The following ATP8A2 variants were observed in gnomAD, a reference collection of about 807,000 sequenced individuals.
ATP8A2 encodes the protein phospholipid-transporting ATPase IB.
In ATP8A2, 100 loss-of-function variants were observed where a neutral mutation model predicts 165.6. That is an observed-to-expected ratio of 0.60 (90% CI 0.51 to 0.71). The LOEUF is 0.71. Ranked by LOEUF, ATP8A2 falls within the 30% of genes least tolerant of loss-of-function variation. The pLI, the probability that ATP8A2 is intolerant of heterozygous loss-of-function variation, is 0.00. For missense variants in ATP8A2, 1,227 were observed against 1,479.5 expected, an observed-to-expected ratio of 0.83 and a Z score of 2.80; for synonymous variants, 543 against 548.8, an observed-to-expected ratio of 0.99 and a Z score of 0.15.
intron 22 of ATP8A2, among the ~76,000 whole-genome samples, 158 bp downstream of exon 22, chr13:25,580,105 G>A (rs1367708141): frequency 6.6e-6 from 1 of 152,140 alleles, no homozygotes; most frequent in Non-Finnish European, 1.5e-5. Context: ...GCTTTAAGAA[G>A]CACTTAATTT....
Position 26,002,890 on chromosome 13 carries a change from GTGTGTA to G in ATP8A2, c.3378-9637_3378-9632del, listed in dbSNP as rs1414793797. On this transcript the variant is annotated intron_variant, in intron 35 of 36. Coordinates refer to ENST00000381655, the MANE Select transcript of ATP8A2 (RefSeq NM_016529.6). ...TGTGTGTGTGTGTGTGTGTGTGTGT[GTGTGTA>G]TGTACCACAGTTTCTTCATCCACTC... Among the ~76,000 whole-genome samples the G allele has an allele frequency of 8.3e-4, 115 of 138,448 alleles. 2 individuals carry two copies. The highest frequency in any genetic ancestry group is 2.9e-3 in the African/African-American group (108 of 37,894). The allele number at this position is 138,448 out of a possible 152,430, so 90.8% of individuals were successfully genotyped here. A position where few individuals can be genotyped will look rare whatever the true frequency, so the allele number is the denominator to read the frequency against.
At chr13:25,979,001 G>A (rs1212706906) in intron 35 of ATP8A2, among the ~76,000 whole-genome samples, 1 of 151,546 alleles carries the variant, frequency 6.6e-6, no homozygotes, top group Non-Finnish European at 1.5e-5. Flanking sequence ...GGCTGCTTTT[G>A]CACACTACAG....
intron 24 of ATP8A2, among the ~76,000 whole-genome samples, chr13:25,670,666 T>G (rs2042245775): frequency 6.6e-6 from 1 of 152,230 alleles, no homozygotes; most frequent in Admixed American, 6.5e-5. Context: ...GCCTCTTCTT[T>G]GACTACCCTG....
At chr13:25,805,270 A>G (rs1950709924) in intron 27 of ATP8A2, among the ~76,000 whole-genome samples, 1 of 151,994 alleles carries the variant, frequency 6.6e-6, no homozygotes, top group Admixed American at 6.5e-5. Flanking sequence ...GCACTTTGGG[A>G]GGCTGGGGTG....
chr13:25,406,970 C>G (rs2033821205), intron 1 of ATP8A2, among the ~76,000 whole-genome samples: 1 of 152,220 alleles, frequency 6.6e-6, no homozygotes, highest in African/African-American at 2.4e-5. Flanking sequence ...GTTACCGCTG[C>G]TTCCAGATTC....
chr13:25,860,316 T>A, intron 31 of ATP8A2, 60 bp downstream of exon 31: 2 of 1,037,390 alleles, frequency 1.9e-6, no homozygotes, highest in African/African-American at 1.6e-5. Flanking sequence ...CTTGCACTTC[T>A]CTAAACCCTT....
intron 35 of ATP8A2, among the ~76,000 whole-genome samples, chr13:25,989,735 A>C (rs2139285249): frequency 6.6e-6 from 1 of 152,084 alleles, no homozygotes; most frequent in African/African-American, 2.4e-5. Flanking sequence ...TTTTATAAGG[A>C]TCCTTCCCAC....
intron 1 of ATP8A2, chr13:25,468,710 C>T (rs2137517851): frequency 4.6e-6 from 2 of 434,322 alleles, no homozygotes; most frequent in Admixed American, 6.4e-5. Context: ...GAGCTGGGGG[C>T]GGCTCTCCCG....
At chr13:25,922,465 C>G (rs577500965) in intron 33 of ATP8A2, among the ~76,000 whole-genome samples, 3 of 152,296 alleles carry the variant, frequency 2.0e-5, no homozygotes, top group African/African-American at 7.2e-5. Flanking sequence ...AGGAAGTTGA[C>G]AACTATCACA....
intron 33 of ATP8A2, chr13:25,867,774 T>C (rs1952552952): frequency 6.3e-6 from 1 of 158,158 alleles, no homozygotes; most frequent in Non-Finnish European, 1.4e-5. Context: ...ATGAAAGAGC[T>C]GGCTTTCCCA....
intron 26 of ATP8A2, among the ~76,000 whole-genome samples, chr13:25,771,148 G>C (rs1015297215): frequency 6.6e-6 from 1 of 152,248 alleles, no homozygotes; most frequent in Non-Finnish European, 1.5e-5. Context: ...GATAATTTCT[G>C]AAGTAGGTAA....
At chr13:25,506,966 A>G (rs1357743381) in intron 2 of ATP8A2, among the ~76,000 whole-genome samples, 1 of 90,532 alleles carries the variant, frequency 1.1e-5, no homozygotes, top group Admixed American at 1.1e-4. Context: ...TATATATCTT[A>G]TTTTACATAT....
Position 25,890,033 on chromosome 13 carries a change from G to A in ATP8A2, c.3183+27625G>A, listed in dbSNP as rs1384758912. On this transcript the variant is annotated intron_variant, in intron 33 of 36. Coordinates refer to ENST00000381655, the MANE Select transcript of ATP8A2 (RefSeq NM_016529.6). ...AAAAATTAGCCAGGCGTGGTGGCACGTGCCTGTAATCCCAGCTGCTCAGGA... is the reference window on the plus strand; with the variant it reads ...AAAAATTAGCCAGGCGTGGTGGCACATGCCTGTAATCCCAGCTGCTCAGGA... 2.0e-5 allele frequency among the ~76,000 whole-genome samples: 3 copies of A among 152,014 alleles called. No homozygotes were observed. The East Asian group carries it at 5.8e-4, about 29-fold the overall frequency.
chr13:25,567,608 A>T (rs989590528), intron 16 of ATP8A2, among the ~76,000 whole-genome samples: 1 of 152,166 alleles, frequency 6.6e-6, no homozygotes, highest in Non-Finnish European at 1.5e-5. Context: ...GTTTCAGTAC[A>T]AGCATAATGA....
Position 25,592,162 on chromosome 13 carries a change from C to G in ATP8A2, c.2211+2463C>G, listed in dbSNP as rs369334466. Among the ~76,000 whole-genome samples, 3 of 151,470 alleles carry G rather than the reference C, an allele frequency of 2.0e-5. No individual in the cohort carries two copies. In the East Asian group the frequency reaches 5.8e-4, roughly 29 times the overall value. ...TGCCTTTTGGTCATTTGTATATCTT[C>G]TATGGAGAAATGTCTATTCAATCCT... On this transcript the variant is annotated intron_variant, in intron 24 of 36. Coordinates refer to ENST00000381655, the MANE Select transcript of ATP8A2 (RefSeq NM_016529.6).
intron 2 of ATP8A2, among the ~76,000 whole-genome samples, chr13:25,476,109 G>A (rs1566164461): frequency 6.6e-6 from 1 of 152,134 alleles, no homozygotes; most frequent in Non-Finnish European, 1.5e-5. Context: ...ATTTGTCCAT[G>A]AATAGTGGGG....
At chr13:25,489,836 A>G (rs1370701570) in intron 2 of ATP8A2, among the ~76,000 whole-genome samples, 1 of 152,200 alleles carries the variant, frequency 6.6e-6, no homozygotes, top group East Asian at 1.9e-4. Flanking sequence ...AACTACTCCT[A>G]AAAGGGGGCT....
chr13:25,709,476 A>C (rs1457509107), intron 25 of ATP8A2, among the ~76,000 whole-genome samples: 1 of 152,168 alleles, frequency 6.6e-6, no homozygotes, highest in African/African-American at 2.4e-5. Context: ...ATTGAACCTT[A>C]AGTTCTTAAT....
At chr13:25,905,282 CAT>C (rs1381024337) in intron 33 of ATP8A2, among the ~76,000 whole-genome samples, 1 of 152,110 alleles carries the variant, frequency 6.6e-6, no homozygotes, top group South Asian at 2.1e-4. Context: ...TTCTAAGTGA[CAT>C]CTCTTATACA....
Sources: allele counts gnomAD v4.1 joint callset (sites outside exome capture counted in the v4.1 genomes callset), GRCh38; gene constraint gnomAD v4.1.1; transcripts MANE v1.5; gene names NCBI Gene and HGNC (gene_info 2026-07-23, HGNC 2026-07-21).